Variants in LONP1 observed in about 807,000 individuals in gnomAD.
The protein encoded by LONP1 is lon peptidase 1, mitochondrial, also known as lon protease homolog, mitochondrial.
Under a neutral mutation model 98.5 loss-of-function variants are expected in LONP1, and 31 were observed. That is an observed-to-expected ratio of 0.31 (90% confidence interval 0.24 to 0.42). The LOEUF (loss-of-function observed/expected upper bound fraction) is 0.42, where lower values mean the gene tolerates loss of function less well. LONP1 is among the 20% of genes least tolerant of loss of function. The probability of loss-of-function intolerance (pLI) is 1.00; values close to 1 mark genes in which losing one functional copy is unlikely to be tolerated. For missense variants in LONP1, 1,336 were observed against 1,350.6 expected (o/e 0.99, Z 0.17); for synonymous variants, 781 against 594.7 (o/e 1.31, Z -4.56).
intron 9 of LONP1, among the ~76,000 whole-genome samples, chr19:5,700,086 G>A (rs755414878): frequency 1.4e-4 from 21 of 151,938 alleles, no homozygotes; most frequent in African/African-American, 2.7e-4. Flanking sequence ...CTGCAGACAC[G>A]CAACATCACA....
At chr19:5,711,673 C>G in intron 4 of LONP1, 98 bp downstream of exon 4, 3 of 973,958 alleles carry the variant, frequency 3.1e-6, no homozygotes, top group Admixed American at 2.0e-5. Context: ...CTAAGGGGCT[C>G]AGGGTGGGAG....
In LONP1 at chr19:5,719,421, T is replaced by C. The variant is rs751491011; in HGVS notation, c.429+283A>G. Among the ~76,000 whole-genome samples, 3 of 152,274 alleles carry C rather than the reference T, an allele frequency of 2.0e-5. No homozygotes were observed. The South Asian group carries it at 6.2e-4, about 32-fold the overall frequency. The stretch of plus-strand genomic sequence containing the variant: ...AGCGCCGTAACACTACTCAGGTCCC[T>C]CCCGGCCCCGGATTTCTATGACCGG... On this transcript the variant is annotated intron_variant, in intron 1 of 17. Transcript: ENST00000360614.
intron 10 of LONP1, 38 bp from the exon 11 acceptor site, chr19:5,696,795 C>CT (rs1371395133): frequency 4.8e-6 from 7 of 1,447,666 alleles, no homozygotes; most frequent in Non-Finnish European, 6.8e-6. Flanking sequence ...CACTTGGTAG[C>CT]CTGGCTCGGC....
intron 10 of LONP1, among the ~76,000 whole-genome samples, chr19:5,697,479 A>C (rs1275963618): frequency 6.9e-6 from 1 of 145,482 alleles, no homozygotes; most frequent in African/African-American, 2.5e-5. Flanking sequence ...AACAGTGAGG[A>C]GGCCATGAGG....
chr19:5,712,879 C>T (rs1293451391), intron 3 of LONP1, among the ~76,000 whole-genome samples: 1 of 152,150 alleles, frequency 6.6e-6, no homozygotes, highest in African/African-American at 2.4e-5. Context: ...GATCCAATTG[C>T]CTTGACATCC....
intron 8 of LONP1, among the ~76,000 whole-genome samples, chr19:5,704,841 C>T (rs2055117661): frequency 6.6e-6 from 1 of 152,228 alleles, no homozygotes; most frequent in Admixed American, 6.5e-5. Flanking sequence ...CAAAGACAGC[C>T]ATGGGGACTC....
rs887007324 is a variant in LONP1 at position 5,697,507 on chromosome 19, G to C, written c.1686-750C>G. Among the ~76,000 whole-genome samples the C allele has an allele frequency of 1.5e-4, 22 of 146,822 alleles. 1 individual carries two copies. The highest frequency in any genetic ancestry group is 5.6e-4 in the African/African-American group (22 of 39,426). On this transcript the variant is annotated intron_variant, in intron 10 of 17. Coordinates refer to ENST00000360614, the MANE Select transcript of LONP1 (RefSeq NM_004793.4). ...CCATGAGGCTGAGGCAGAGGGAGGA[G>C]GGGGGGAGAGAAGAGGGAGGAGAGG...
At chr19:5,694,218 G>GCCTT (rs1402980996) in intron 15 of LONP1, among the ~76,000 whole-genome samples, 169 bp downstream of exon 15, 1 of 152,124 alleles carries the variant, frequency 6.6e-6, no homozygotes, top group African/African-American at 2.4e-5. Context: ...ATGTGTCACA[G>GCCTT]CCTTCCCCTC....
Position 5,693,593 on chromosome 19 carries a change from C to G in LONP1, c.2497G>C (p.Asp833His). The G allele has an allele frequency of 6.2e-7, 1 of 1,614,126 alleles. No individual in the cohort carries two copies. The highest frequency in any genetic ancestry group is 2.2e-5 in the East Asian group (1 of 44,874). ...TGGATGTGTGAGGTCACCAGGTAGT[C>G]ATTGGCGGGGGCGTGCTGCATGAGG... ...AFLMQHAPAN[D>H]YLVTSHIHLH... Residue 833 changes from aspartate (D) to histidine (H), a missense_variant, in exon 16 of 18, where the codon GAC becomes CAC. Physicochemically the swap from Asp to His is moderately conservative, Grantham distance 81. Around this residue, in one of 5 missense-constraint regions of LONP1, gnomAD observed 555 missense variants for 542.6 expected, o/e 1.02. Coordinates refer to ENST00000360614, the MANE Select transcript of LONP1 (RefSeq NM_004793.4).
upstream of LONP1, chr19:5,720,325 A>C: frequency 1.2e-6 from 1 of 837,574 alleles, no homozygotes; most frequent in South Asian, 2.2e-5. Flanking sequence ...CCGGTCTCCC[A>C]CTTTATGCGC....
At chr19:5,720,441 G>C, upstream of LONP1, 1 of 592,394 alleles carries the variant, frequency 1.7e-6, no homozygotes. Context: ...TGAGCAGCCT[G>C]TGCACATGCT....
chr19:5,699,385 C>T (rs1302860460), intron 9 of LONP1, among the ~76,000 whole-genome samples, 180 bp from the exon 10 acceptor site: 3 of 152,184 alleles, frequency 2.0e-5, no homozygotes, highest in Non-Finnish European at 4.4e-5. Context: ...CAGCCTGTGA[C>T]AAGGGCTCCA....
intron 8 of LONP1, among the ~76,000 whole-genome samples, chr19:5,705,455 T>G (rs1568321391): frequency 1.8e-5 from 2 of 108,254 alleles, no homozygotes; most frequent in African/African-American, 3.6e-5. Flanking sequence ...GAGACTCCAT[T>G]TCAAAAAAAA....
chr19:5,717,859 T>A (rs1599484317), intron 1 of LONP1, among the ~76,000 whole-genome samples: 1 of 151,256 alleles, frequency 6.6e-6, no homozygotes, highest in Non-Finnish European at 1.5e-5. Flanking sequence ...GGAAGACAGG[T>A]GCATGCCACT....
intron 8 of LONP1, 24 bp from the exon 9 acceptor site, chr19:5,700,951 T>G: frequency 1.2e-6 from 2 of 1,613,804 alleles, no homozygotes; most frequent in African/African-American, 1.3e-5. Context: ...GATGGAGAGA[T>G]GCTGAGTGGA....
chr19:5,696,437 C>T, intron 11 of LONP1, 66 bp from the exon 12 acceptor site: 1 of 1,566,852 alleles, frequency 6.4e-7, no homozygotes, highest in East Asian at 2.2e-5. Context: ...AGTGGGGAGA[C>T]CCCAGGGTCA....
At chr19:5,720,450 C>A, upstream of LONP1, 5 of 592,604 alleles carry the variant, frequency 8.4e-6, no homozygotes, top group East Asian at 1.5e-4. Context: ...TGTGCACATG[C>A]TTAGGCGCGC....
At chr19:5,716,825 GCT>G (rs921760007) in intron 1 of LONP1, among the ~76,000 whole-genome samples, 2 of 152,142 alleles carry the variant, frequency 1.3e-5, no homozygotes, top group African/African-American at 4.8e-5. Flanking sequence ...ACAGAGTCTT[GCT>G]CTGTCGCCCA....
In LONP1 at chr19:5,696,072, C is replaced by T; in HGVS notation, c.1995G>A (p.Glu665=). 6.2e-7 allele frequency: 1 copy of T among 1,612,754 alleles called. No homozygotes were observed. The highest frequency in any genetic ancestry group is 8.5e-7 in the Non-Finnish European group (1 of 1,179,878). Residue 665 remains glutamate, a synonymous_variant, in exon 13 of 18, where the codon GAG becomes GAA. Coordinates refer to ENST00000360614, the MANE Select transcript of LONP1 (RefSeq NM_004793.4). ...GGCTTACCTCCGCAATGGCCAGCTT[C>T]TCCTGGGCCACGTAGCCCGACACGT... ...MINVSGYVAQ[E]KLAIAERYLV...
Sources: allele counts gnomAD v4.1 joint callset (sites outside exome capture counted in the v4.1 genomes callset), GRCh38; gene constraint gnomAD v4.1.1; regional missense constraint gnomAD v4.1.1; transcripts MANE v1.5; gene names NCBI Gene and HGNC (gene_info 2026-07-23, HGNC 2026-07-21).